Variants in DSTN observed in about 807,000 individuals in gnomAD.
DSTN encodes destrin.
In DSTN, 10 loss-of-function variants were observed where a neutral mutation model predicts 16.8. The ratio of observed to expected loss-of-function variants is 0.60; its 90% CI spans 0.37 to 1.01. The LOEUF is 1.01. Among genes scored for constraint, DSTN ranks in the 50% least tolerant of loss-of-function variants. The pLI, the probability that DSTN is intolerant of heterozygous loss-of-function variation, is 0.01. For synonymous variants in DSTN, 57 were observed against 58.9 expected, an observed-to-expected ratio of 0.97 and a Z score of 0.14; for missense variants, 141 against 196.7, an observed-to-expected ratio of 0.72 and a Z score of 1.69.
chr20:17,597,783 C>T (rs1295881652), intron 1 of DSTN, among the ~76,000 whole-genome samples: 1 of 152,178 alleles, frequency 6.6e-6, no homozygotes, highest in African/African-American at 2.4e-5. Context: ...TGCATCACTC[C>T]TGTCAACTTC....
At chr20:17,574,860 C>CTTTTTTTTTTTTTTTT (rs1410531139) in intron 1 of DSTN, among the ~76,000 whole-genome samples, 1 of 67,218 alleles carries the variant, frequency 1.5e-5, no homozygotes, top group African/African-American at 6.4e-5. Flanking sequence ...TTTTTCTTTT[C>CTTTTTTTTTTTTTTTT]TTTTCTTTTG....
At chr20:17,573,600 T>C (rs1004191901) in intron 1 of DSTN, among the ~76,000 whole-genome samples, 13 of 152,162 alleles carry the variant, frequency 8.5e-5, no homozygotes, top group African/African-American at 3.1e-4. Context: ...AGCATACATA[T>C]TTTCTACTCT....
At chr20:17,604,722 C>A in intron 3 of DSTN, 91 bp downstream of exon 3, 1 of 1,236,012 alleles carries the variant, frequency 8.1e-7, no homozygotes, top group Non-Finnish European at 1.1e-6. Context: ...TATTTTTTTG[C>A]AGAGCTTCGG....
chr20:17,601,209 AC>A (rs1389747500), intron 2 of DSTN, among the ~76,000 whole-genome samples, 164 bp downstream of exon 2: 1 of 149,718 alleles, frequency 6.7e-6, no homozygotes, highest in East Asian at 2.0e-4. Context: ...TGTTTATGGG[AC>A]CCAAACTAAA....
At chr20:17,585,590 T>G (rs1397684745) in intron 1 of DSTN, among the ~76,000 whole-genome samples, 2 of 152,172 alleles carry the variant, frequency 1.3e-5, no homozygotes, top group Non-Finnish European at 2.9e-5. Flanking sequence ...AAAGTGAAAT[T>G]CACCCTTTCT....
At chr20:17,578,792 C>G (rs2035309295) in intron 1 of DSTN, among the ~76,000 whole-genome samples, 1 of 151,894 alleles carries the variant, frequency 6.6e-6, no homozygotes, top group Non-Finnish European at 1.5e-5. Flanking sequence ...GAAACCCCCT[C>G]CTCTGCTAAA....
chr20:17,607,218 T>C lies in DSTN; in HGVS notation c.*72T>C, dbSNP rs2035652136. ...TCTTGCTATATAAATAAAGCAAATA[T>C]ATTTAGGCCAGGGTCTCACTGAGGG... On this transcript the variant is annotated 3_prime_UTR_variant, in exon 4 of 4. Transcript: ENST00000246069. The C allele has an allele frequency of 4.2e-6, 6 of 1,435,798 alleles. No individual in the cohort carries two copies. Among genetic ancestry groups the C allele is most frequent in the African/African-American group, 1.4e-5 (1 of 70,358 alleles). The allele number at this position is 1,435,798 out of a possible 1,614,324, so 88.9% of individuals were successfully genotyped here.
At chr20:17,577,226 T>G (rs536082268) in intron 1 of DSTN, among the ~76,000 whole-genome samples, 1 of 152,216 alleles carries the variant, frequency 6.6e-6, no homozygotes, top group Non-Finnish European at 1.5e-5. Context: ...CGGAAGGTAC[T>G]TAACCTGTAG....
At chr20:17,588,360 C>T (rs2035433468) in intron 1 of DSTN, among the ~76,000 whole-genome samples, 1 of 152,154 alleles carries the variant, frequency 6.6e-6, no homozygotes, top group Non-Finnish European at 1.5e-5. Flanking sequence ...AACTTCTGCC[C>T]CACCTAAAAT....
chr20:17,605,929 C>T (rs1244154317), intron 3 of DSTN, among the ~76,000 whole-genome samples: 1 of 150,366 alleles, frequency 6.7e-6, no homozygotes, highest in East Asian at 1.9e-4. Context: ...ATGGTGAAAC[C>T]CTGTCTCTAC....
intron 1 of DSTN, among the ~76,000 whole-genome samples, chr20:17,580,600 A>T (rs2035331428): frequency 6.6e-6 from 1 of 152,192 alleles, no homozygotes; most frequent in African/African-American, 2.4e-5. Context: ...TACAAAAATT[A>T]TCCAGGTGTG....
rs150921317 is a variant in DSTN, at chr20:17,597,808, T to A, written c.4-2930T>A. ...CTGTCAACTTCCAGAACATTTTCAT[T>A]ACTTCAGAAAGGAACCCATACTCAT... On this transcript the variant is annotated intron_variant, in intron 1 of 3. Coordinates refer to ENST00000246069, the MANE Select transcript of DSTN (RefSeq NM_006870.4). Among the ~76,000 whole-genome samples, 37 of 152,344 alleles carry A rather than the reference T, an allele frequency of 2.4e-4. 1 individual carries two copies. The highest frequency in any genetic ancestry group is 2.2e-3 in the Admixed American group (34 of 15,308).
Position 17,609,084 on chromosome 20 carries a change from G to A in DSTN, c.*1938G>A, listed in dbSNP as rs2035672115. ...ATTTTAATGTTGATCCACATGCCAG[G>A]TGTTTGTGAGACAAGATTATGCTTT... On this transcript the variant is annotated 3_prime_UTR_variant, in exon 4 of 4. Coordinates refer to ENST00000246069, the MANE Select transcript of DSTN (RefSeq NM_006870.4). 1 of 152,228 alleles carries A rather than the reference G, an allele frequency of 6.6e-6. No homozygotes were observed. The highest frequency in any genetic ancestry group is 1.5e-5 in the Non-Finnish European group (1 of 68,048). The allele number at this position is 152,228 out of a possible 1,614,324, so 9.4% of individuals were successfully genotyped here.
chr20:17,579,174 G>A (rs978823763), intron 1 of DSTN, among the ~76,000 whole-genome samples: 4 of 152,000 alleles, frequency 2.6e-5, no homozygotes, highest in African/African-American at 7.3e-5. Context: ...ATGACCTTTG[G>A]TAAGTTCCTG....
intron 1 of DSTN, among the ~76,000 whole-genome samples, chr20:17,575,907 T>C (rs1447498151): frequency 6.6e-6 from 1 of 152,234 alleles, no homozygotes; most frequent in East Asian, 1.9e-4. Flanking sequence ...CACAAAGATT[T>C]ACACCTAACA....
Position 17,609,310 on chromosome 20 carries a change from C to T in DSTN, c.*2164C>T, listed in dbSNP as rs1784158863. On this transcript the variant is annotated 3_prime_UTR_variant, in exon 4 of 4. Coordinates refer to ENST00000246069, the MANE Select transcript of DSTN (RefSeq NM_006870.4). ...CCTTGAACTCTTGGGCTCCAGCAAG[C>T]CTCCTGCCTTGGCCTCCTAAAGTGC... The T allele has an allele frequency of 6.6e-6, 1 of 152,260 alleles. No individual in the cohort carries two copies. The highest frequency in any genetic ancestry group is 2.4e-5 in the African/African-American group (1 of 41,438). The allele number at this position is 152,260 out of a possible 1,614,324, so 9.4% of individuals were successfully genotyped here.
At chr20:17,574,870 G>GTTTTTTTTTTTTTTTTTTT (rs533880691) in intron 1 of DSTN, among the ~76,000 whole-genome samples, 5 of 81,160 alleles carry the variant, frequency 6.2e-5, no homozygotes, top group Admixed American at 1.9e-4. Context: ...CTTTTCTTTT[G>GTTTTTTTTTTTTTTTTTTT]TTTTTTTTTT....
Position 17,570,086 on chromosome 20 carries a change from A to G in DSTN, c.-123A>G. The stretch of plus-strand genomic sequence containing the variant: ...CCTGAGGCGCGCCCGCCCCGGGGTA[A>G]GCTCGCGCCGCCGCGTCAGCTCAGC... On this transcript the variant is annotated 5_prime_UTR_variant, in exon 1 of 4. Coordinates refer to ENST00000246069, the MANE Select transcript of DSTN (RefSeq NM_006870.4). 1 of 1,419,154 alleles carries G rather than the reference A, an allele frequency of 7.0e-7. No homozygotes were observed. The highest frequency in any genetic ancestry group is 1.5e-5 in the African/African-American group (1 of 66,330). The allele number at this position is 1,419,154 out of a possible 1,614,324, so 87.9% of individuals were successfully genotyped here. A position where few individuals can be genotyped will look rare whatever the true frequency, so the allele number is the denominator to read the frequency against.
chr20:17,573,387 G>A lies in DSTN; in HGVS notation c.3+3176G>A, dbSNP rs149171739. Among the ~76,000 whole-genome samples the A allele has an allele frequency of 4.9e-3, 740 of 152,040 alleles. 6 individuals are homozygous for A. The highest frequency in any genetic ancestry group is 0.017 in the African/African-American group (697 of 41,460). ...GCTTTGGTTCTTCAACTGCTGAATT[G>A]TGTTCTTTTGTATGATTGTGCAAGT... On this transcript the variant is annotated intron_variant, in intron 1 of 3. Coordinates refer to ENST00000246069, the MANE Select transcript of DSTN (RefSeq NM_006870.4).
Sources: gnomAD v4.1 joint callset for allele counts (sites outside exome capture counted in the v4.1 genomes callset) on GRCh38, gnomAD v4.1.1 for gene constraint, MANE v1.5 for transcripts, NCBI Gene and HGNC (gene_info 2026-07-23, HGNC 2026-07-21) for gene names.